The following TSPOAP1 variants were observed in gnomAD, a reference collection of about 807,000 sequenced individuals.
TSPOAP1 encodes the protein TSPO associated protein 1, also known as peripheral-type benzodiazepine receptor-associated protein 1.
Under a neutral mutation model 197.0 loss-of-function variants are expected in TSPOAP1, and 87 were observed. The ratio of observed to expected loss-of-function variants is 0.44; its 90% CI spans 0.37 to 0.53. TSPOAP1 has a LOEUF of 0.53. TSPOAP1 is among the 20% of genes least tolerant of loss of function. The probability of loss-of-function intolerance (pLI) is 0.00; values close to 1 mark genes in which losing one functional copy is unlikely to be tolerated. For missense variants in TSPOAP1, 2,174 were observed against 2,411.3 expected (o/e 0.90, Z 2.06); for synonymous variants, 913 against 998.9 (o/e 0.91, Z 1.62).
At chr17:58,320,723 A>C in intron 10 of TSPOAP1, 142 bp from the exon 11 acceptor site, 1 of 592,138 alleles carries the variant, frequency 1.7e-6, no homozygotes, top group Non-Finnish European at 2.6e-6. Context: ...GGAGAGAGGG[A>C]AGAGGGATAG....
intron 25 of TSPOAP1, 136 bp from the exon 26 acceptor site, chr17:58,306,549 A>T (rs2144030098): frequency 1.0e-6 from 1 of 999,168 alleles, no homozygotes; most frequent in Non-Finnish European, 1.5e-6. Context: ...ATCCCTGACA[A>T]GAGCCCCACC....
At position 58,308,860 on chromosome 17, in the gene TSPOAP1, C is replaced by T. The variant is rs1016453709; in HGVS notation, c.4412G>A (p.Gly1471Asp). 6.2e-7 allele frequency: 1 copy of T among 1,606,982 alleles called. No homozygotes were observed. The highest frequency in any genetic ancestry group is 1.1e-5 in the South Asian group (1 of 90,520). ...GLEASGRGRLGPSRRCSRGRA... is the reference protein window; with the variant it reads ...GLEASGRGRLDPSRRCSRGRA... ...GCCACGGGAGCACCTCCGGGAAGGG[C>T]CCAGCCGGCCTCTCCCGCTAGCCTC... Residue 1471 changes from glycine to aspartate, a missense_variant, in exon 22 of 32, where the codon GGC (glycine) becomes GAC (aspartate). Gly to Asp is a moderately conservative substitution (Grantham distance 94). Transcript: ENST00000343736.
chr17:58,316,081 C>T lies in TSPOAP1; in HGVS notation c.2040G>A (p.Leu680=), dbSNP rs1348671428. Reference sequence around the variant, plus strand: ...AGATGTAGATGTACTCGCCAGCTGTCAGCGGAAGCTCTGCTTCTGGATTCT... The same window carrying T: ...AGATGTAGATGTACTCGCCAGCTGTTAGCGGAAGCTCTGCTTCTGGATTCT... ...PNENPEAELP[L]TAGEYIYIYG... Residue 680 remains leucine, a synonymous_variant, in exon 16 of 32, where the codon CTG becomes CTA. Transcript: ENST00000343736. 1.2e-6 allele frequency: 2 copies of T among 1,614,050 alleles called. No individual in the cohort carries two copies. Among genetic ancestry groups the T allele is most frequent in the African/African-American group, 2.7e-5 (2 of 74,934 alleles).
At position 58,322,368 on chromosome 17, in the gene TSPOAP1, C is replaced by A. The variant is rs1001205141; in HGVS notation, c.1362G>T (p.Glu454Asp). The A allele has an allele frequency of 1.2e-6, 2 of 1,606,240 alleles. No homozygotes were observed. Among genetic ancestry groups the A allele is most frequent in the East Asian group, 4.5e-5 (2 of 44,876 alleles). The change falls in exon 10 of 32, where the codon GAG becomes GAT. Residue 454 changes from glutamate to aspartate, a missense_variant. Glu to Asp is a conservative substitution (Grantham distance 45). This residue lies in a region of TSPOAP1 where 1,933 missense variants were observed against 2,139.0 expected (regional missense o/e 0.90). Transcript: ENST00000343736. This position sits in a 1 kb window ranked among gnomAD's most constrained non-coding sequence, Gnocchi z 5.0. ...VAQRRQQLEV[E>D]HEQARLSLRE... ...GTAGGCTGAGCCGAGCCTGTTCATG[C>A]TCCACCTCCAGCTGCTGCCGCCGCT...
intron 16 of TSPOAP1, 87 bp downstream of exon 16, chr17:58,315,929 ATGAATGG>A (rs1173680542): frequency 5.5e-6 from 5 of 912,514 alleles, no homozygotes; most frequent in African/African-American, 1.7e-5. Flanking sequence ...GGATGGATGG[ATGAATGG>A]ATGGATGGAT....
chr17:58,314,296 G>A (rs1261986438), intron 16 of TSPOAP1, among the ~76,000 whole-genome samples: 4 of 152,170 alleles, frequency 2.6e-5, no homozygotes, highest in African/African-American at 7.2e-5. Context: ...AATGGTGGCC[G>A]CCCAAAAACA....
chr17:58,325,133 G>GTACATGCCTGGT, intron 4 of TSPOAP1, 131 bp from the exon 5 acceptor site: 1 of 808,272 alleles, frequency 1.2e-6, no homozygotes, highest in Non-Finnish European at 1.9e-6. Context: ...CCTCCCATGG[G>GTACATGCCTGGT]TACATGCCTG....
chr17:58,307,517 C>T, intron 24 of TSPOAP1, 94 bp downstream of exon 24: 1 of 1,475,338 alleles, frequency 6.8e-7, no homozygotes, highest in Non-Finnish European at 9.2e-7. Flanking sequence ...TGTTCTCCAC[C>T]ATGATTCTGT....
chr17:58,315,141 C>T (rs899408667), intron 16 of TSPOAP1, among the ~76,000 whole-genome samples: 9 of 152,078 alleles, frequency 5.9e-5, no homozygotes, highest in African/African-American at 2.2e-4. Context: ...TCATAATCTA[C>T]CCCTGTAGGG....
In TSPOAP1 at chr17:58,309,606, C is replaced by G. The variant is rs1024158507; in HGVS notation, c.3892-226G>C. On this transcript the variant is annotated intron_variant, in intron 21 of 31. Coordinates refer to ENST00000343736, the MANE Select transcript of TSPOAP1 (RefSeq NM_004758.4). This position sits in a 1 kb window ranked among gnomAD's most constrained non-coding sequence, Gnocchi z 5.0. ...CAAAGGAAGAATTAGGGAACACACT[C>G]TAGGAACCATCACCAGCCCCTGTGG... Among the ~76,000 whole-genome samples the G allele has an allele frequency of 6.6e-6, 1 of 152,134 alleles. No homozygotes were observed. The highest frequency in any genetic ancestry group is 2.4e-5 in the African/African-American group (1 of 41,410).
intron 14 of TSPOAP1, 90 bp from the exon 15 acceptor site, chr17:58,316,630 T>C (rs1205256785): frequency 1.3e-5 from 13 of 1,019,744 alleles, no homozygotes; most frequent in East Asian, 2.6e-5. Context: ...AGAGGACCTA[T>C]TGCTTTAAGG....
chr17:58,320,041 G>C (rs1971358191), intron 12 of TSPOAP1, 68 bp downstream of exon 12: 1 of 1,593,570 alleles, frequency 6.3e-7, no homozygotes, highest in East Asian at 2.2e-5. Context: ...GACTGCCTGG[G>C]CCCTGAGGGA....
In TSPOAP1 at chr17:58,316,462, C is replaced by G; in HGVS notation, c.1951G>C (p.Gly651Arg). 6.2e-7 allele frequency: 1 copy of G among 1,613,850 alleles called. No homozygotes were observed. The highest frequency in any genetic ancestry group is 8.5e-7 in the Non-Finnish European group (1 of 1,179,840). The change falls in exon 15 of 32, where the codon GGA becomes CGA. Residue 651 changes from glycine to arginine, a missense_variant. This residue lies in a region of TSPOAP1 where 1,933 missense variants were observed against 2,139.0 expected (regional missense o/e 0.90). Coordinates refer to ENST00000343736, the MANE Select transcript of TSPOAP1 (RefSeq NM_004758.4). ...LLPAAPEGSR[G>R]GARIQVFLAR... ...AGGAAGACCTGGATCCTGGCTCCTC[C>G]CCGGCTGCCCTCTGGCGCAGCTGGG...
rs779805822 is a variant in TSPOAP1, at chr17:58,308,980, A to G, written c.4292T>C (p.Leu1431Pro). 1.2e-6 allele frequency: 2 copies of G among 1,610,650 alleles called. No homozygotes were observed. Among genetic ancestry groups the G allele is most frequent in the Non-Finnish European group, 1.7e-6 (2 of 1,179,164 alleles). ...GGCCTGGGGCCCATTGTTGCTGAGA[A>G]GTCGGCTGCAGTGTTCTCGGGGATC... is the stretch of plus-strand genomic sequence containing the variant. ...PPDPREHCSRLLSNNGPQASG... is the reference protein window; with the variant it reads ...PPDPREHCSRPLSNNGPQASG... Residue 1431 changes from leucine to proline, a missense_variant, in exon 22 of 32, where the codon CTT (leucine) becomes CCT (proline). Coordinates refer to ENST00000343736, the MANE Select transcript of TSPOAP1 (RefSeq NM_004758.4).
At chr17:58,325,829 T>C in intron 3 of TSPOAP1, 116 bp from the exon 4 acceptor site, 1 of 1,135,046 alleles carries the variant, frequency 8.8e-7, no homozygotes, top group Non-Finnish European at 1.2e-6. Context: ...AGCCACCTGC[T>C]TCCACCTTGA....
chr17:58,307,385 T>C, intron 24 of TSPOAP1: 1 of 598,288 alleles, frequency 1.7e-6, no homozygotes. Flanking sequence ...TAGACACTAA[T>C]ATTATCCCCA....
At position 58,311,905 on chromosome 17, in the gene TSPOAP1, G is replaced by A; in HGVS notation, c.2916C>T (p.Thr972=). 6.4e-7 allele frequency: 1 copy of A among 1,552,972 alleles called. No homozygotes were observed. Among genetic ancestry groups the A allele is most frequent in the South Asian group, 1.2e-5 (1 of 80,714 alleles). Residue 972 remains threonine (T), a synonymous_variant, in exon 17 of 32, where the codon ACC becomes ACT. Transcript: ENST00000343736. ...AAGCCCACATACCTGCTGGGAGTGT[G>A]GTGAACTGCAGGGTGGCAGCCCGCT... ...LEQRAATLQF[T]TLPAGPPDAP...
chr17:58,325,668 G>C lies in TSPOAP1; in HGVS notation c.616C>G (p.Arg206Gly). The C allele has an allele frequency of 6.2e-7, 1 of 1,612,922 alleles. No individual in the cohort carries two copies. The highest frequency in any genetic ancestry group is 8.5e-7 in the Non-Finnish European group (1 of 1,179,932). Reference sequence around the variant, plus strand: ...GCTCGCTGGCGGGCTAGGGCCTTCCGACACAACTCCAAGCTGGTCCCCGGC... The same window carrying C: ...GCTCGCTGGCGGGCTAGGGCCTTCCCACACAACTCCAAGCTGGTCCCCGGC... ...PRPGTSLELCRKALARQRARD... is the reference protein window; with the variant it reads ...PRPGTSLELCGKALARQRARD... The change falls in exon 4 of 32, where the codon CGG becomes GGG. Residue 206 changes from arginine (R) to glycine (G), a missense_variant. Arg to Gly is a moderately radical substitution (Grantham distance 125). Coordinates refer to ENST00000343736, the MANE Select transcript of TSPOAP1 (RefSeq NM_004758.4).
intron 22 of TSPOAP1, among the ~76,000 whole-genome samples, chr17:58,308,296 C>T (rs545512489): frequency 2.0e-5 from 3 of 152,370 alleles, no homozygotes; most frequent in East Asian, 3.9e-4. Context: ...GAGGAAAGGG[C>T]GACCCTGCCC....
Sources: allele counts gnomAD v4.1 joint callset (sites outside exome capture counted in the v4.1 genomes callset), GRCh38; gene constraint gnomAD v4.1.1; regional missense constraint gnomAD v4.1.1; non-coding constraint Gnocchi (gnomAD v3.1); transcripts MANE v1.5; gene names NCBI Gene and HGNC (gene_info 2026-07-23, HGNC 2026-07-21).